Variants in CSF2RA observed in about 807,000 individuals in gnomAD.
CSF2RA encodes the protein colony stimulating factor 2 receptor subunit alpha.
A neutral mutation model predicts 51.6 loss-of-function variants in CSF2RA; 42 were observed. That is an observed-to-expected ratio of 0.81 (90% CI 0.64 to 1.05). The LOEUF is 1.05. CSF2RA is among the 50% of genes least tolerant of loss of function. The pLI is 0.00. For synonymous variants in CSF2RA, 222 were observed against 193.0 expected (o/e 1.15, Z -1.24); for missense variants, 530 against 501.1 (o/e 1.06, Z -0.55).
At chrX:1,310,779 G>T (rs1187069714), downstream of CSF2RA, among the ~76,000 whole-genome samples, 3 of 152,064 alleles carry the variant, frequency 2.0e-5, no homozygotes, top group Non-Finnish European at 4.4e-5. Context: ...ATATAGTTTG[G>T]TTGTTTGTCC....
At chrX:1,304,671 T>G (rs1603435474) in intron 11 of CSF2RA, among the ~76,000 whole-genome samples, 5 of 151,680 alleles carry the variant, frequency 3.3e-5, no homozygotes, top group Middle Eastern at 6.9e-3. Flanking sequence ...TGTTTTTTTG[T>G]TTTTTGTTTT....
chrX:1,316,844 G>A, the CSF2RA span, among the ~76,000 whole-genome samples: 2 of 152,270 alleles, frequency 1.3e-5, no homozygotes, highest in Non-Finnish European at 2.9e-5. Context: ...ACACAGAGGC[G>A]TTGAGGGCGT....
rs770268309 is a variant in CSF2RA at position 1,305,537 on chromosome X, G to A, written c.1125+10G>A. 5 of 1,613,850 alleles carry A rather than the reference G, an allele frequency of 3.1e-6. No homozygotes were observed. The highest frequency in any genetic ancestry group is 2.2e-5 in the East Asian group (1 of 44,888). On this transcript the variant is annotated intron_variant, in intron 12 of 12. Transcript: ENST00000381529. The stretch of plus-strand genomic sequence containing the variant: ...TGAGGTGGAAGACGAGGTAGGCAGG[G>A]GTGGGCGGAGCAGTGACCTGGGATG...
the CSF2RA span, among the ~76,000 whole-genome samples, chrX:1,323,894 G>A: frequency 2.6e-5 from 4 of 151,674 alleles, no homozygotes; most frequent in East Asian, 1.9e-4. Context: ...GGCGCCTGTA[G>A]TCCCAGCTAC....
At chrX:1,323,570 C>A in the CSF2RA span, among the ~76,000 whole-genome samples, 2 of 151,678 alleles carry the variant, frequency 1.3e-5, no homozygotes, top group South Asian at 2.1e-4. Context: ...GACCGCACCT[C>A]GAGAAGTGGG....
intron 1 of CSF2RA, among the ~76,000 whole-genome samples, chrX:1,272,956 T>G (rs1397124403): frequency 6.6e-6 from 1 of 151,412 alleles, no homozygotes; most frequent in African/African-American, 2.4e-5. Flanking sequence ...GTAGCTGAGA[T>G]TACAGGCACG....
At chrX:1,300,282 C>A in intron 9 of CSF2RA, 1 of 589,812 alleles carries the variant, frequency 1.7e-6, no homozygotes, top group Non-Finnish European at 3.0e-6. Context: ...ATTTTCCCAA[C>A]TTGTCTCCCA....
chrX:1,288,163 G>C (rs754014593), intron 4 of CSF2RA, among the ~76,000 whole-genome samples: 178 of 152,120 alleles, frequency 1.2e-3, no homozygotes, highest in Non-Finnish European at 6.5e-4. Context: ...AGGGAGGCAG[G>C]TGCGTGTCGC....
At chrX:1,284,667 T>C (rs1210672730) in intron 3 of CSF2RA, among the ~76,000 whole-genome samples, 13 of 138,018 alleles carry the variant, frequency 9.4e-5, no homozygotes, top group African/African-American at 3.3e-4. Flanking sequence ...TTGATTTTTT[T>C]TTTTTTTTTT....
At chrX:1,289,974 G>GTTTTGTGT (rs1235020176) in intron 6 of CSF2RA, among the ~76,000 whole-genome samples, 16 of 97,082 alleles carry the variant, frequency 1.6e-4, no homozygotes, top group African/African-American at 6.3e-4. Flanking sequence ...TTTTTGTTTT[G>GTTTTGTGT]TTTTGTGTTT....
chrX:1,317,762 C>T, the CSF2RA span, among the ~76,000 whole-genome samples: 2 of 151,632 alleles, frequency 1.3e-5, no homozygotes, highest in Non-Finnish European at 2.9e-5. Flanking sequence ...AAGAGAAATT[C>T]TAATGGGGCT....
chrX:1,283,672 A>C (rs1232482300), intron 3 of CSF2RA, among the ~76,000 whole-genome samples: 1 of 151,308 alleles, frequency 6.6e-6, no homozygotes, highest in African/African-American at 2.4e-5. Context: ...GGTTCAAGCG[A>C]TTCTCCTGCC....
downstream of CSF2RA, among the ~76,000 whole-genome samples, chrX:1,310,596 A>G (rs1235387636): frequency 6.7e-5 from 10 of 149,672 alleles, no homozygotes; most frequent in Non-Finnish European, 1.5e-4. Flanking sequence ...TGAACCCGGG[A>G]GGAGGAGGTT....
chrX:1,293,370 C>T (rs2091583168), intron 7 of CSF2RA, among the ~76,000 whole-genome samples: 1 of 152,096 alleles, frequency 6.6e-6, no homozygotes, highest in Non-Finnish European at 1.5e-5. Flanking sequence ...AGGCACCCGC[C>T]ACCACGCCCG....
At chrX:1,289,209 C>T (rs1386673022) in intron 6 of CSF2RA, 4 of 384,236 alleles carry the variant, frequency 1.0e-5, no homozygotes, top group East Asian at 6.2e-5. Context: ...CTGCAACCTG[C>T]GCCTCCCTCC....
Position 1,290,192 on chromosome X carries a change from GGTTT to G in CSF2RA, c.474-144_474-141del. On this transcript the variant is annotated intron_variant, in intron 6 of 12. Coordinates refer to ENST00000381529, the MANE Select transcript of CSF2RA (RefSeq NM_172245.4). Reference sequence around the variant, plus strand: ...TTGTTTTGTGTTTTGTGTTTTTGTGGGTTTTTTTTGTTTTGTGTTTTTGTTTTGT... The same window carrying G: ...TTGTTTTGTGTTTTGTGTTTTTGTGGTTTTTGTTTTGTGTTTTTGTTTTGT... 5.3e-6 allele frequency: 3 copies of G among 567,238 alleles called. No individual in the cohort carries two copies. In the South Asian group the frequency reaches 6.8e-5, roughly 13 times the overall value. The allele number at this position is 567,238 out of a possible 1,614,324, so 35.1% of individuals were successfully genotyped here.
chrX:1,300,315 C>T (rs1427686672), intron 9 of CSF2RA, 176 bp from the exon 10 acceptor site: 13 of 740,818 alleles, frequency 1.8e-5, no homozygotes, highest in Non-Finnish European at 2.9e-5. Flanking sequence ...CGAGGCTTGA[C>T]TCTGCTTAGC....
At chrX:1,311,621 G>A (rs181410890), downstream of CSF2RA, among the ~76,000 whole-genome samples, 6,973 of 151,856 alleles carry the variant, frequency 0.046, 505 homozygotes, top group African/African-American at 0.16. Flanking sequence ...TTTGTTTTGT[G>A]TTTTAGTAGA....
chrX:1,286,684 G>A (rs2090712938), intron 4 of CSF2RA, among the ~76,000 whole-genome samples: 1 of 152,172 alleles, frequency 6.6e-6, no homozygotes, highest in Non-Finnish European at 1.5e-5. Context: ...ACGGGAACCG[G>A]GAAAGTGCTG....
Sources: gnomAD v4.1 joint callset for allele counts (sites outside exome capture counted in the v4.1 genomes callset) on GRCh38, gnomAD v4.1.1 for gene constraint, MANE v1.5 for transcripts, NCBI Gene and HGNC (gene_info 2026-07-23, HGNC 2026-07-21) for gene names.